Variants in HIVEP3 observed in about 807,000 individuals in gnomAD.
HIVEP3 encodes transcription factor HIVEP3.
HIVEP3 carries 49 observed loss-of-function variants against 152.8 expected under a neutral mutation model. The observed-to-expected ratio is 0.32, with a 90% confidence interval of 0.26 to 0.41. The LOEUF (loss-of-function observed/expected upper bound fraction) is 0.41. HIVEP3 is among the 10% of genes least tolerant of loss of function. The pLI, the probability that HIVEP3 is intolerant of heterozygous loss-of-function variation, is 1.00. For missense variants in HIVEP3, 2,790 were observed against 3,103.3 expected (o/e 0.90, Z 2.40); for synonymous variants, 1,269 against 1,289.0 (o/e 0.98, Z 0.33).
chr1:41,511,207 G>C lies in HIVEP3; in HGVS notation c.6465C>G (p.Ser2155=). ...CSPGPAHPLS[S]RPFSALHDFH... is the part of the protein sequence containing the mutation. ...AGTCATGGAGGGCGGAGAAGGGTCG[G>C]GAGGAGAGAGGATGAGCAGGGCCGG... Residue 2155 remains serine (S), a synonymous_variant, in exon 9 of 9, where the codon TCC becomes TCG. Coordinates refer to ENST00000372583, the MANE Select transcript of HIVEP3 (RefSeq NM_024503.5). The surrounding 1 kb of genome is among the most constrained non-coding windows in gnomAD (Gnocchi z 4.9). 6.2e-7 allele frequency: 1 copy of C among 1,613,842 alleles called. No individual in the cohort carries two copies. Among genetic ancestry groups the C allele is most frequent in the Non-Finnish European group, 8.5e-7 (1 of 1,179,932 alleles).
At chr1:41,522,123 C>T (rs61775292) in intron 6 of HIVEP3, among the ~76,000 whole-genome samples, 3,018 of 152,298 alleles carry the variant, frequency 0.02, 57 homozygotes, top group Non-Finnish European at 0.031. Context: ...GGAGGGCTGC[C>T]TGGGGCAGGC....
chr1:41,546,249 G>A (rs904432715), intron 5 of HIVEP3, among the ~76,000 whole-genome samples: 2 of 152,210 alleles, frequency 1.3e-5, no homozygotes, highest in East Asian at 1.9e-4. Context: ...CCTCCTGAGT[G>A]TGCAAAGTGA....
chr1:41,522,167 C>T (rs1409509102), intron 6 of HIVEP3, among the ~76,000 whole-genome samples: 5 of 152,194 alleles, frequency 3.3e-5, no homozygotes, highest in African/African-American at 7.2e-5. Context: ...CACACAGCCC[C>T]GGAGACAAGG....
Position 41,582,038 on chromosome 1 carries a change from G to A in HIVEP3, c.2760C>T (p.Ser920=), listed in dbSNP as rs777238899. 6 of 1,614,116 alleles carry A rather than the reference G, an allele frequency of 3.7e-6. No homozygotes were observed. In the East Asian group the frequency reaches 1.1e-4, roughly 30 times the overall value. ...LAEMAQSSGE[S]SFESSVPLSR... The stretch of plus-strand genomic sequence containing the variant: ...ACAGAGGCACAGAGGACTCGAAGCT[G>A]GACTCCCCTGATGATTGGGCCATCT... Residue 920 remains serine (S), a synonymous_variant, in exon 4 of 9, where the codon TCC becomes TCT. Transcript: ENST00000372583. The surrounding 1 kb of genome is among the most constrained non-coding windows in gnomAD (Gnocchi z 4.7).
intron 2 of HIVEP3, among the ~76,000 whole-genome samples, chr1:41,674,144 TC>T (rs1450555782): frequency 6.6e-6 from 1 of 152,176 alleles, no homozygotes. Context: ...CCAGACATAA[TC>T]CCCGTGTCGG....
At chr1:41,984,464 G>T (rs887872617) in intron 1 of HIVEP3, among the ~76,000 whole-genome samples, 1 of 152,174 alleles carries the variant, frequency 6.6e-6, no homozygotes, top group Non-Finnish European at 1.5e-5. Context: ...AGGGAGAAGT[G>T]AGGAAAAAAG....
At chr1:41,656,042 G>C (rs1430357709) in intron 2 of HIVEP3, among the ~76,000 whole-genome samples, 1 of 152,190 alleles carries the variant, frequency 6.6e-6, no homozygotes, top group Non-Finnish European at 1.5e-5. Context: ...ATAGGGTAAT[G>C]CCTTTCTTTT....
At chr1:41,526,216 A>C (rs1642898749) in intron 5 of HIVEP3, among the ~76,000 whole-genome samples, 1 of 151,388 alleles carries the variant, frequency 6.6e-6, no homozygotes, top group Non-Finnish European at 1.5e-5. Context: ...CAACAGAACC[A>C]CCACCACCAC....
chr1:41,817,831 C>G (rs1642456916), intron 1 of HIVEP3, among the ~76,000 whole-genome samples: 1 of 152,186 alleles, frequency 6.6e-6, no homozygotes, highest in African/African-American at 2.4e-5. Flanking sequence ...CCCTCTCTTT[C>G]CAAATACCCA....
At chr1:41,931,297 T>C (rs986230821) in intron 1 of HIVEP3, among the ~76,000 whole-genome samples, 1 of 152,152 alleles carries the variant, frequency 6.6e-6, no homozygotes, top group South Asian at 2.1e-4. Flanking sequence ...AGGTGTGAGG[T>C]AAGTGTTGAG....
chr1:41,580,493 A>G lies in HIVEP3; in HGVS notation c.4305T>C (p.Ala1435=). Residue 1435 remains alanine, a synonymous_variant, in exon 4 of 9, where the codon GCT becomes GCC. Coordinates refer to ENST00000372583, the MANE Select transcript of HIVEP3 (RefSeq NM_024503.5). ...AGGSKRVLSP[A]GSLELTMETQ... ...TTTCCATGGTAAGTTCAAGGCTGCC[A>G]GCTGGTGAAAGGACACGTTTGCTTC... 2 of 1,614,190 alleles carry G rather than the reference A, an allele frequency of 1.2e-6. No homozygotes were observed. The highest frequency in any genetic ancestry group is 3.3e-5 in the Admixed American group (2 of 60,026).
intron 1 of HIVEP3, among the ~76,000 whole-genome samples, chr1:41,859,556 C>T (rs1466255497): frequency 6.6e-6 from 1 of 152,184 alleles, no homozygotes; most frequent in Non-Finnish European, 1.5e-5. Flanking sequence ...TCACATCCTA[C>T]CTCCACCACT....
chr1:41,630,443 A>G (rs1429277879), intron 2 of HIVEP3, among the ~76,000 whole-genome samples: 1 of 152,224 alleles, frequency 6.6e-6, no homozygotes, highest in Non-Finnish European at 1.5e-5. Flanking sequence ...ATTTTTAAAA[A>G]GCAGAGTTTT....
chr1:42,019,437 A>G (rs1399540333), intron 1 of HIVEP3, among the ~76,000 whole-genome samples: 3 of 151,978 alleles, frequency 2.0e-5, no homozygotes, highest in Admixed American at 6.6e-5. Flanking sequence ...CTTGTTTTCA[A>G]TGTAGAAATC....
At chr1:41,973,739 G>A (rs16828938) in intron 1 of HIVEP3, among the ~76,000 whole-genome samples, 27,599 of 152,176 alleles carry the variant, frequency 0.18, 2,657 homozygotes, top group South Asian at 0.3. Context: ...TGGAAGAATC[G>A]GAAGAAGAGG....
At chr1:41,889,060 AC>A (rs1165912476) in intron 1 of HIVEP3, among the ~76,000 whole-genome samples, 5 of 146,692 alleles carry the variant, frequency 3.4e-5, no homozygotes, top group Non-Finnish European at 7.5e-5. Flanking sequence ...ACCACACAAC[AC>A]ATACACCACA....
intron 1 of HIVEP3, among the ~76,000 whole-genome samples, chr1:41,795,462 C>T (rs1649931003): frequency 6.6e-6 from 1 of 152,108 alleles, no homozygotes; most frequent in Non-Finnish European, 1.5e-5. Context: ...AGGTGATGTC[C>T]GCCAGGTTTA....
intron 5 of HIVEP3, 25 bp downstream of exon 5, chr1:41,575,519 G>C (rs760621982): frequency 9.9e-6 from 16 of 1,611,624 alleles, no homozygotes; most frequent in Non-Finnish European, 1.4e-5. Flanking sequence ...GGAAGCAGAC[G>C]ATGGAAACCA....
At chr1:41,983,646 G>A (rs1041888248) in intron 1 of HIVEP3, among the ~76,000 whole-genome samples, 7 of 151,980 alleles carry the variant, frequency 4.6e-5, no homozygotes, top group East Asian at 1.9e-4. Context: ...CACAAGTCAC[G>A]CACTCCTAAG....
Sources: gnomAD v4.1 joint callset for allele counts (sites outside exome capture counted in the v4.1 genomes callset) on GRCh38, gnomAD v4.1.1 for gene constraint, Gnocchi (gnomAD v3.1) non-coding constraint, MANE v1.5 for transcripts, NCBI Gene and HGNC (gene_info 2026-07-23, HGNC 2026-07-21) for gene names.